RSU1: variants seen among roughly 807,000 people sequenced by gnomAD.
RSU1 encodes the protein rsu-1.
RSU1 carries 26 observed loss-of-function variants against 31.1 expected under a neutral mutation model. That is an observed-to-expected ratio of 0.84 (90% CI 0.61 to 1.16). The LOEUF (loss-of-function observed/expected upper bound fraction) is 1.16. Ranked by LOEUF, RSU1 falls within the 50% of genes most tolerant of loss-of-function variation. The pLI, the probability that RSU1 is intolerant of heterozygous loss-of-function variation, is 0.00. For synonymous variants in RSU1, 164 were observed against 136.3 expected (o/e 1.20, Z -1.41); for missense variants, 320 against 339.1 (o/e 0.94, Z 0.44).
intron 7 of RSU1, among the ~76,000 whole-genome samples, chr10:16,695,831 G>C (rs558148227): frequency 3.3e-5 from 5 of 152,298 alleles, no homozygotes; most frequent in Non-Finnish European, 7.3e-5. Context: ...GAAAAAGCCA[G>C]CATGAAGATT....
intron 7 of RSU1, among the ~76,000 whole-genome samples, chr10:16,751,147 GGGAGCCACCGT>G (rs1486191473): frequency 6.6e-6 from 1 of 152,002 alleles, no homozygotes; most frequent in African/African-American, 2.4e-5. Context: ...GATTACAACT[GGGAGCCACCGT>G]GCCCGGCCCG....
chr10:16,701,455 C>T (rs1835791230), intron 7 of RSU1, among the ~76,000 whole-genome samples: 1 of 152,174 alleles, frequency 6.6e-6, no homozygotes, highest in African/African-American at 2.4e-5. Context: ...GAATGCAAGG[C>T]CACACTGTCA....
intron 4 of RSU1, among the ~76,000 whole-genome samples, chr10:16,759,237 C>T (rs1249468008): frequency 2.6e-5 from 4 of 152,128 alleles, no homozygotes; most frequent in South Asian, 2.1e-4. Context: ...CAGTAGCTCA[C>T]GTCTGTAATC....
intron 2 of RSU1, among the ~76,000 whole-genome samples, chr10:16,812,158 A>G (rs963806648): frequency 6.6e-6 from 1 of 152,240 alleles, no homozygotes; most frequent in Non-Finnish European, 1.5e-5. Flanking sequence ...AAATAATTTT[A>G]AGGCCGGGCA....
intron 8 of RSU1, among the ~76,000 whole-genome samples, chr10:16,608,352 CA>C (rs1409970824): frequency 6.6e-6 from 1 of 152,096 alleles, no homozygotes; most frequent in Non-Finnish European, 1.5e-5. Context: ...TGTTTAAAAA[CA>C]AAAACAAGTA....
intron 3 of RSU1, among the ~76,000 whole-genome samples, chr10:16,771,313 C>G (rs1350771336): frequency 6.6e-6 from 1 of 152,092 alleles, no homozygotes; most frequent in African/African-American, 2.4e-5. Context: ...ACAAGTGTCC[C>G]CCTTTGGCCT....
intron 7 of RSU1, among the ~76,000 whole-genome samples, chr10:16,698,446 T>G (rs1341490841): frequency 2.0e-5 from 3 of 152,134 alleles, no homozygotes; most frequent in African/African-American, 7.2e-5. Flanking sequence ...GTTAACTTAT[T>G]AACAGCATCT....
intron 8 of RSU1, among the ~76,000 whole-genome samples, chr10:16,685,463 C>T (rs1282757903): frequency 1.3e-5 from 2 of 152,058 alleles, no homozygotes; most frequent in African/African-American, 4.8e-5. Flanking sequence ...TGCTGTTTGC[C>T]CATTTTTATG....
chr10:16,616,281 C>A (rs1013493439), intron 8 of RSU1, among the ~76,000 whole-genome samples: 1 of 151,356 alleles, frequency 6.6e-6, no homozygotes, highest in Non-Finnish European at 1.5e-5. Flanking sequence ...ACACACACCC[C>A]CTCCCAAGAC....
intron 8 of RSU1, among the ~76,000 whole-genome samples, chr10:16,653,313 T>C (rs1044899889): frequency 6.6e-6 from 1 of 152,238 alleles, no homozygotes; most frequent in Admixed American, 6.5e-5. Flanking sequence ...CCTAAGGATA[T>C]ACAATTAGGA....
chr10:16,815,593 G>A (rs547532076), intron 2 of RSU1, among the ~76,000 whole-genome samples: 1 of 151,970 alleles, frequency 6.6e-6, no homozygotes, highest in African/African-American at 2.4e-5. Context: ...TGTGCTCCAG[G>A]CACTATTATT....
At chr10:16,803,858 A>T (rs886467988) in intron 2 of RSU1, among the ~76,000 whole-genome samples, 1 of 152,230 alleles carries the variant, frequency 6.6e-6, no homozygotes, top group Non-Finnish European at 1.5e-5. Context: ...CTAATGAAAA[A>T]CACAAAGCTA....
chr10:16,715,135 G>C (rs540183690), intron 7 of RSU1, among the ~76,000 whole-genome samples: 1 of 152,140 alleles, frequency 6.6e-6, no homozygotes, highest in Non-Finnish European at 1.5e-5. Context: ...CCCCTAGTGC[G>C]GTCCAGCATA....
intron 1 of RSU1, 98 bp downstream of exon 1, chr10:16,817,217 T>G: frequency 1.1e-5 from 6 of 548,052 alleles, no homozygotes; most frequent in Admixed American, 2.6e-5. Context: ...TCCCAGGGGC[T>G]GGTCCGGGTG....
In RSU1 at chr10:16,776,094, A is replaced by C. The variant is rs567435296; in HGVS notation, c.160+5940T>G. On this transcript the variant is annotated intron_variant, in intron 3 of 8. Coordinates refer to ENST00000345264, the MANE Select transcript of RSU1 (RefSeq NM_012425.4). ...GAATAACTACAGACTTAAGAACAGC[A>C]AGGTCTGAGAAGAGTGGTGAAGGTC... 2.0e-5 allele frequency among the ~76,000 whole-genome samples: 3 copies of C among 152,350 alleles called. No individual in the cohort carries two copies. The East Asian group carries it at 5.8e-4, about 29-fold the overall frequency.
At chr10:16,742,372 C>T (rs2040026) in intron 7 of RSU1, among the ~76,000 whole-genome samples, 160 of 152,156 alleles carry the variant, frequency 1.1e-3, no homozygotes, top group Non-Finnish European at 1.5e-3. Flanking sequence ...TGAGGGACAA[C>T]TGTCACCCAC....
chr10:16,681,330 A>G (rs947727599), intron 8 of RSU1, among the ~76,000 whole-genome samples: 4 of 152,226 alleles, frequency 2.6e-5, no homozygotes, highest in African/African-American at 7.2e-5. Flanking sequence ...ACACTGATTA[A>G]TAAGTCTGAA....
chr10:16,796,299 C>T (rs1838030589), intron 2 of RSU1, among the ~76,000 whole-genome samples: 1 of 152,198 alleles, frequency 6.6e-6, no homozygotes, highest in African/African-American at 2.4e-5. Flanking sequence ...TGACATTGAT[C>T]ATCAATCAGC....
At chr10:16,757,913 G>A (rs1279406843) in intron 4 of RSU1, among the ~76,000 whole-genome samples, 1 of 152,164 alleles carries the variant, frequency 6.6e-6, no homozygotes, top group Admixed American at 6.5e-5. Flanking sequence ...GCAATATTAG[G>A]TAGAGGAAAT....
Sources: gnomAD v4.1 joint callset for allele counts (sites outside exome capture counted in the v4.1 genomes callset) on GRCh38, gnomAD v4.1.1 for gene constraint, MANE v1.5 for transcripts, NCBI Gene and HGNC (gene_info 2026-07-23, HGNC 2026-07-21) for gene names.